The following MAST3 variants were observed in gnomAD, a reference collection of about 807,000 sequenced individuals.
The protein encoded by MAST3 is microtubule-associated serine/threonine-protein kinase 3.
A neutral mutation model predicts 127.0 loss-of-function variants in MAST3; 43 were observed. The ratio of observed to expected loss-of-function variants is 0.34; its 90% CI spans 0.27 to 0.44. The LOEUF is 0.44. Among genes scored for constraint, MAST3 ranks in the 20% least tolerant of loss-of-function variants. The pLI is 1.00. For synonymous variants in MAST3, 785 were observed against 809.2 expected (o/e 0.97, Z 0.51); for missense variants, 1,390 against 1,919.1 (o/e 0.72, Z 5.15).
In MAST3 at chr19:18,110,517, C is replaced by T. The variant is rs1173526611; in HGVS notation, c.72-135C>T. 1.0e-5 allele frequency: 9 copies of T among 867,720 alleles called. No individual in the cohort carries two copies. The South Asian group carries it at 4.2e-4, about 41-fold the overall frequency. The allele number at this position is 867,720 out of a possible 1,614,324, so 53.8% of individuals were successfully genotyped here. ...CATCGGTCTGGCCCCGCCCTCACGT[C>T]CTGAGCTGAACCCAGAATCCCCGGT... On this transcript the variant is annotated intron_variant, in intron 2 of 27. Coordinates refer to ENST00000687212, the MANE Select transcript of MAST3 (RefSeq NM_001393504.1). The surrounding 1 kb of genome is among the most constrained non-coding windows in gnomAD (Gnocchi z 4.3).
At chr19:18,124,238 G>A (rs2040331509) in intron 9 of MAST3, 27 bp from the exon 10 acceptor site, 3 of 1,594,394 alleles carry the variant, frequency 1.9e-6, no homozygotes, top group Non-Finnish European at 2.6e-6. Context: ...AGGACCTGTG[G>A]GTGATGCCAC....
chr19:18,133,785 C>G (rs753922451), intron 15 of MAST3, among the ~76,000 whole-genome samples: 1 of 152,036 alleles, frequency 6.6e-6, no homozygotes, highest in Non-Finnish European at 1.5e-5. Flanking sequence ...AACTCCCGAC[C>G]TCAGGTGATC....
At chr19:18,126,659 C>T (rs567762069) in intron 11 of MAST3, among the ~76,000 whole-genome samples, 1 of 152,316 alleles carries the variant, frequency 6.6e-6, no homozygotes, top group Admixed American at 6.5e-5. Flanking sequence ...GTCCTAGCTA[C>T]TTGCGGGGCT....
At chr19:18,100,128 C>CT (rs58879254) in intron 1 of MAST3, among the ~76,000 whole-genome samples, 15,424 of 122,058 alleles carry the variant, frequency 0.13, 1,172 homozygotes, top group Middle Eastern at 0.22. Flanking sequence ...CTCTCTCTCT[C>CT]TTTTTTTTTT....
chr19:18,111,510 T>C (rs189805652), intron 3 of MAST3, among the ~76,000 whole-genome samples: 4 of 150,150 alleles, frequency 2.7e-5, no homozygotes, highest in Admixed American at 1.3e-4. Flanking sequence ...ATGAATGAGC[T>C]GCTTAACTCT....
intron 3 of MAST3, chr19:18,117,986 C>T (rs1262860191): frequency 2.4e-6 from 1 of 411,944 alleles, no homozygotes; most frequent in African/African-American, 2.2e-5. Flanking sequence ...CCCCCGCACT[C>T]GCCTGGGCGG....
intron 1 of MAST3, among the ~76,000 whole-genome samples, chr19:18,105,987 G>A (rs191978238): frequency 1.3e-5 from 2 of 152,252 alleles, no homozygotes; most frequent in African/African-American, 4.8e-5. Context: ...ACAGGGAGAG[G>A]ACAACTCAGG....
chr19:18,135,135 G>A (rs1252922355), intron 17 of MAST3, among the ~76,000 whole-genome samples, 153 bp downstream of exon 17: 1 of 152,076 alleles, frequency 6.6e-6, no homozygotes, highest in Non-Finnish European at 1.5e-5. Flanking sequence ...GAGGCGGGTG[G>A]CTGGATTAAT....
Position 18,149,022 on chromosome 19 carries a change from C to T in MAST3, c.3509-169C>T, listed in dbSNP as rs912296864. On this transcript the variant is annotated intron_variant, in intron 27 of 27. Transcript: ENST00000687212. This position sits in a 1 kb window ranked among gnomAD's most constrained non-coding sequence, Gnocchi z 5.9. ...AGGCTATGATTGAGCCAGTGCACTA[C>T]AGTCTGGGCAACAGAGCAAGACCCT... 6.6e-6 allele frequency among the ~76,000 whole-genome samples: 1 copy of T among 152,130 alleles called. No individual in the cohort carries two copies. The highest frequency in any genetic ancestry group is 2.4e-5 in the African/African-American group (1 of 41,414).
rs2038420953 is a variant in MAST3 at position 18,110,166 on chromosome 19, C to G, written c.72-486C>G. ...GCGGAGCCAGCCCGGCCCCCAGCGGCCCAGCCCCCGCGTCTAGTCTGCCGC... is the reference window on the plus strand; with the variant it reads ...GCGGAGCCAGCCCGGCCCCCAGCGGGCCAGCCCCCGCGTCTAGTCTGCCGC... On this transcript the variant is annotated intron_variant, in intron 2 of 27. Transcript: ENST00000687212. The surrounding 1 kb of genome is among the most constrained non-coding windows in gnomAD (Gnocchi z 4.3). 1.0e-6 allele frequency: 1 copy of G among 985,430 alleles called. No homozygotes were observed. The highest frequency in any genetic ancestry group is 1.7e-5 in the African/African-American group (1 of 57,364). 61.0% of individuals were successfully genotyped at this position (985,430 alleles called of 1,614,324 possible). A position where few individuals can be genotyped will look rare whatever the true frequency, so the allele number is the denominator to read the frequency against.
intron 3 of MAST3, among the ~76,000 whole-genome samples, chr19:18,114,499 A>G (rs2039001410): frequency 6.6e-6 from 1 of 152,106 alleles, no homozygotes; most frequent in South Asian, 2.1e-4. Context: ...AACCCCAGAG[A>G]TTTAATTTCC....
In MAST3 at chr19:18,139,061, C is replaced by A. The variant is rs756727578; in HGVS notation, c.2142C>A (p.Thr714=). 4 of 1,604,392 alleles carry A rather than the reference C, an allele frequency of 2.5e-6. No individual in the cohort carries two copies. The South Asian group carries it at 4.5e-5, about 18-fold the overall frequency. The change falls in exon 20 of 28, where the codon ACC becomes ACA. Residue 714 remains threonine (T), a synonymous_variant. Transcript: ENST00000687212. ...YRHLGSEDDE[T]NDEESSTEIP... ...ATCTGGGCTCCGAGGACGACGAGAC[C>A]AATGATGAAGAATCGTCCACAGAGA...
chr19:18,106,699 G>A (rs1471870381), intron 1 of MAST3, among the ~76,000 whole-genome samples: 1 of 151,552 alleles, frequency 6.6e-6, no homozygotes, highest in Non-Finnish European at 1.5e-5. Flanking sequence ...AGTCTCCCAA[G>A]TAGCTGGAAT....
chr19:18,147,060 G>A lies in MAST3; in HGVS notation c.3326+16G>A, dbSNP rs767332154. 6.6e-7 allele frequency: 1 copy of A among 1,508,960 alleles called. No homozygotes were observed. Among genetic ancestry groups the A allele is most frequent in the African/African-American group, 1.4e-5 (1 of 70,538 alleles). The allele number at this position is 1,508,960 out of a possible 1,614,324, so 93.5% of individuals were successfully genotyped here. A position where few individuals can be genotyped will look rare whatever the true frequency, so the allele number is the denominator to read the frequency against. On this transcript the variant is annotated intron_variant, in intron 26 of 27. Coordinates refer to ENST00000687212, the MANE Select transcript of MAST3 (RefSeq NM_001393504.1). ...CCAGGGAGCGGTACACAGGGGGCGG[G>A]GCCACGGGGACTGGGGTTCTTTTTT...
chr19:18,098,909 T>A, intron 1 of MAST3: 1 of 395,746 alleles, frequency 2.5e-6, no homozygotes, highest in South Asian at 1.7e-5. Flanking sequence ...TCAGTTGTGA[T>A]AAGGGACTCA....
rs1223112030 is a variant in MAST3 at position 18,128,389 on chromosome 19, T to G, written c.1079-11T>G. On this transcript the variant is annotated splice_polypyrimidine_tract_variant and intron_variant, in intron 11 of 27. Coordinates refer to ENST00000687212, the MANE Select transcript of MAST3 (RefSeq NM_001393504.1). ...GGAGGCTCCAGCTGAGCCTCCTCCC[T>G]CATCTTGCAGAGATGGTGCCACTGA... 1 of 1,545,456 alleles carries G rather than the reference T, an allele frequency of 6.5e-7. No homozygotes were observed. Among genetic ancestry groups the G allele is most frequent in the East Asian group, 2.4e-5 (1 of 40,920 alleles).
intron 11 of MAST3, 86 bp from the exon 12 acceptor site, chr19:18,128,314 G>A (rs999820265): frequency 8.2e-6 from 9 of 1,097,056 alleles, no homozygotes; most frequent in Non-Finnish European, 1.2e-5. Flanking sequence ...AGCCTGGGGT[G>A]AGAACTCTAG....
chr19:18,140,947 C>T (rs984506308), intron 20 of MAST3, among the ~76,000 whole-genome samples: 3 of 152,006 alleles, frequency 2.0e-5, no homozygotes, highest in Non-Finnish European at 4.4e-5. Context: ...GTGCGCGCCA[C>T]CACACCCGGC....
chr19:18,121,967 A>AGGGGTTGGGC (rs1344364436), intron 5 of MAST3, 45 bp downstream of exon 5: 9 of 1,605,538 alleles, frequency 5.6e-6, no homozygotes, highest in Admixed American at 3.4e-5. Flanking sequence ...CACCACGGGC[A>AGGGGTTGGGC]AGGGTTGGGC....
Sources: gnomAD v4.1 joint callset for allele counts (sites outside exome capture counted in the v4.1 genomes callset) on GRCh38, gnomAD v4.1.1 for gene constraint, Gnocchi (gnomAD v3.1) non-coding constraint, MANE v1.5 for transcripts, NCBI Gene and HGNC (gene_info 2026-07-23, HGNC 2026-07-21) for gene names.